The following KIF16B variants were observed in gnomAD, a reference collection of about 807,000 sequenced individuals.
The protein encoded by KIF16B is kinesin family member 16B, also known as kinesin-like protein KIF16B.
A neutral mutation model predicts 156.3 loss-of-function variants in KIF16B; 98 were observed. That is an observed-to-expected ratio of 0.63 (90% CI 0.53 to 0.74). The LOEUF (loss-of-function observed/expected upper bound fraction) is 0.74, where lower values mean the gene tolerates loss of function less well. Ranked by LOEUF, KIF16B falls within the 30% of genes least tolerant of loss-of-function variation. The pLI, the probability that KIF16B is intolerant of heterozygous loss-of-function variation, is 0.00. For missense variants in KIF16B, 1,421 were observed against 1,606.5 expected (o/e 0.88, Z 1.97); for synonymous variants, 564 against 583.7 (o/e 0.97, Z 0.49).
chr20:16,427,242 CT>C lies in KIF16B; in HGVS notation c.1475-2del. 6.2e-7 allele frequency: 1 copy of C among 1,604,470 alleles called. No individual in the cohort carries two copies. Among genetic ancestry groups the C allele is most frequent in the Non-Finnish European group, 8.5e-7 (1 of 1,176,772 alleles). On this transcript the variant is annotated splice_acceptor_variant, in intron 14 of 25. Coordinates refer to ENST00000354981, the MANE Select transcript of KIF16B (RefSeq NM_024704.5). LOFTEE classifies it high-confidence loss of function. ...CTCTCCAAGTCAAGGCCATGAAGAA[CT>C]AAAGTGGAAAAACAAAGTAGAAAGA...
At chr20:16,506,277 T>A (rs2068776276) in intron 7 of KIF16B, 87 bp from the exon 8 acceptor site, 1 of 1,096,978 alleles carries the variant, frequency 9.1e-7, no homozygotes, top group Non-Finnish European at 1.4e-6. Flanking sequence ...TTTCTGCTCC[T>A]CACTGAGATC....
At chr20:16,342,597 C>T (rs1216851897) in intron 23 of KIF16B, among the ~76,000 whole-genome samples, 2 of 152,050 alleles carry the variant, frequency 1.3e-5, no homozygotes, top group East Asian at 1.9e-4. Flanking sequence ...AAAAAAACTG[C>T]AGAGAATATG....
chr20:16,565,255 A>G (rs2071210320), intron 1 of KIF16B, among the ~76,000 whole-genome samples: 1 of 152,226 alleles, frequency 6.6e-6, no homozygotes, highest in Non-Finnish European at 1.5e-5. Context: ...ACTGATAGTT[A>G]CCATGTTAGA....
chr20:16,458,904 C>T (rs539049699), intron 12 of KIF16B, among the ~76,000 whole-genome samples: 2 of 152,060 alleles, frequency 1.3e-5, no homozygotes, highest in Non-Finnish European at 2.9e-5. Flanking sequence ...GGAAGGTATC[C>T]GTTTTCTTAT....
intron 17 of KIF16B, among the ~76,000 whole-genome samples, chr20:16,403,742 A>G (rs1176714172): frequency 6.6e-6 from 1 of 152,226 alleles, no homozygotes; most frequent in Non-Finnish European, 1.5e-5. Context: ...CTCCTATGAC[A>G]CTGAAGAAAT....
intron 21 of KIF16B, 39 bp downstream of exon 21, chr20:16,371,626 G>T: frequency 2.9e-6 from 3 of 1,045,028 alleles, no homozygotes; most frequent in Non-Finnish European, 4.3e-6. Context: ...AAAGATGAAC[G>T]AACTTGTTAC....
chr20:16,390,463 T>C (rs1332637245), intron 17 of KIF16B, among the ~76,000 whole-genome samples: 1 of 151,986 alleles, frequency 6.6e-6, no homozygotes, highest in African/African-American at 2.4e-5. Flanking sequence ...TTGAAATAGA[T>C]CATACAATGA....
chr20:16,453,129 G>A (rs951889759), intron 12 of KIF16B, among the ~76,000 whole-genome samples: 3 of 150,950 alleles, frequency 2.0e-5, no homozygotes, highest in South Asian at 2.1e-4. Context: ...AATTACTCAG[G>A]TTTAGTGGTA....
chr20:16,527,697 C>G (rs370145996), intron 2 of KIF16B, among the ~76,000 whole-genome samples: 4 of 152,126 alleles, frequency 2.6e-5, no homozygotes, highest in East Asian at 1.9e-4. Context: ...CCATCTCAGC[C>G]TCTCGAGTAG....
At chr20:16,537,933 G>T (rs1013642886) in intron 1 of KIF16B, among the ~76,000 whole-genome samples, 1 of 151,710 alleles carries the variant, frequency 6.6e-6, no homozygotes, top group East Asian at 1.9e-4. Context: ...CGAACTCCTG[G>T]CCTCAAGTAA....
In KIF16B at chr20:16,358,357, T is replaced by C. The variant is rs77155604; in HGVS notation, c.3499-1905A>G. On this transcript the variant is annotated intron_variant, in intron 22 of 25. Transcript: ENST00000354981. Reference sequence around the variant, plus strand: ...TTTAGGATCACGTGAATGATCGGGTTCTCAAAAAAGTGTGGACGACAGTAT... The same window carrying C: ...TTTAGGATCACGTGAATGATCGGGTCCTCAAAAAAGTGTGGACGACAGTAT... Among the ~76,000 whole-genome samples the C allele has an allele frequency of 1.9e-4, 29 of 152,270 alleles. No homozygotes were observed. The East Asian group carries it at 5.4e-3, about 28-fold the overall frequency.
chr20:16,301,557 T>TC (rs2122601984), intron 25 of KIF16B, among the ~76,000 whole-genome samples: 1 of 152,354 alleles, frequency 6.6e-6, no homozygotes, highest in Admixed American at 6.5e-5. Flanking sequence ...TGTTTTCATT[T>TC]CCAATTTCCT....
Position 16,512,810 on chromosome 20 carries a change from A to G in KIF16B, c.446+16T>C, listed in dbSNP as rs775352907. On this transcript the variant is annotated intron_variant, in intron 5 of 25. Coordinates refer to ENST00000354981, the MANE Select transcript of KIF16B (RefSeq NM_024704.5). Reference sequence around the variant, plus strand: ...TAATCAAGCTCACACACAGTTACCCAGGCCACAGGCCCTACCTGACTTCAG... The same window carrying G: ...TAATCAAGCTCACACACAGTTACCCGGGCCACAGGCCCTACCTGACTTCAG... 6.3e-7 allele frequency: 1 copy of G among 1,584,172 alleles called. No individual in the cohort carries two copies. Among genetic ancestry groups the G allele is most frequent in the South Asian group, 1.1e-5 (1 of 90,448 alleles).
intron 15 of KIF16B, among the ~76,000 whole-genome samples, chr20:16,415,610 C>T (rs1461021818): frequency 6.6e-6 from 1 of 152,096 alleles, no homozygotes; most frequent in Non-Finnish European, 1.5e-5. Flanking sequence ...ACAGACCTGC[C>T]CATGACTCAG....
At chr20:16,325,118 C>A (rs777164471) in intron 24 of KIF16B, among the ~76,000 whole-genome samples, 6 of 151,932 alleles carry the variant, frequency 3.9e-5, no homozygotes, top group Non-Finnish European at 7.4e-5. Flanking sequence ...ATGATTAAAA[C>A]CCTCAGGAAA....
At chr20:16,494,582 G>T (rs1210434179) in intron 11 of KIF16B, among the ~76,000 whole-genome samples, 1 of 152,156 alleles carries the variant, frequency 6.6e-6, no homozygotes, top group Admixed American at 6.5e-5. Context: ...AATTTGCCTA[G>T]AATTTCACAA....
chr20:16,332,305 C>T (rs1002779567), intron 24 of KIF16B, among the ~76,000 whole-genome samples: 1 of 152,040 alleles, frequency 6.6e-6, no homozygotes, highest in Non-Finnish European at 1.5e-5. Flanking sequence ...CAGTGATGTC[C>T]GAGAACCACA....
chr20:16,405,797 C>T (rs1344063312), intron 16 of KIF16B, among the ~76,000 whole-genome samples: 2 of 152,036 alleles, frequency 1.3e-5, no homozygotes, highest in Admixed American at 1.3e-4. Context: ...TAGCTGTAGC[C>T]TTTATTATTT....
At chr20:16,421,563 T>C (rs2066226962) in intron 15 of KIF16B, among the ~76,000 whole-genome samples, 1 of 152,162 alleles carries the variant, frequency 6.6e-6, no homozygotes, top group Non-Finnish European at 1.5e-5. Flanking sequence ...CACGAAAAGT[T>C]AAGTAAAGAA....
Sources: allele counts gnomAD v4.1 joint callset (sites outside exome capture counted in the v4.1 genomes callset), GRCh38; gene constraint gnomAD v4.1.1; transcripts MANE v1.5; gene names NCBI Gene and HGNC (gene_info 2026-07-23, HGNC 2026-07-21).